KCNG4: variants seen among roughly 807,000 people sequenced by gnomAD.
KCNG4 encodes the protein potassium voltage-gated channel modifier subfamily G member 4.
KCNG4 carries 30 observed loss-of-function variants against 28.2 expected under a neutral mutation model. The observed-to-expected ratio is 1.06, with a 90% confidence interval of 0.80 to 1.44. The LOEUF is 1.44. KCNG4 is among the 40% of genes most tolerant of loss of function. The pLI, the probability that KCNG4 is intolerant of heterozygous loss-of-function variation, is 0.00. For synonymous variants in KCNG4, 375 were observed against 315.5 expected (o/e 1.19, Z -2.00); for missense variants, 879 against 712.3 (o/e 1.23, Z -2.66).
At chr16:84,235,896 C>G (rs998697028) in intron 2 of KCNG4, 3 of 152,122 alleles carry the variant, frequency 2.0e-5, no homozygotes, top group African/African-American at 7.2e-5. Context: ...TCCAATAACC[C>G]TCTCAACCAA....
Position 84,222,545 on chromosome 16 carries a change from C to T in KCNG4, c.1232G>A (p.Trp411Ter). The change falls in exon 3 of 3, where the codon TGG becomes TAG. Residue 411 changes from tryptophan to a stop codon, truncating the protein, a stop_gained. Transcript: ENST00000308251. LOFTEE classifies it high-confidence loss of function. Reference sequence around the variant, plus strand: ...CACCGTTGTCATGGAGATGATGGCCCACCAATAGGAGGCGGGGATGCTGGT... The same window carrying T: ...CACCGTTGTCATGGAGATGATGGCCTACCAATAGGAGGCGGGGATGCTGGT... ...EFTSIPASYW[W>*]AIISMTTVGY... is the part of the protein sequence containing the mutation. 2 of 1,613,590 alleles carry T rather than the reference C, an allele frequency of 1.2e-6. No individual in the cohort carries two copies. Among genetic ancestry groups the T allele is most frequent in the Admixed American group, 1.7e-5 (1 of 60,020 alleles).
chr16:84,236,684 G>T, intron 2 of KCNG4, 46 bp downstream of exon 2: 1 of 1,554,804 alleles, frequency 6.4e-7, no homozygotes, highest in South Asian at 1.2e-5. Context: ...TCTCCGCCCA[G>T]GCACCCTGCG....
chr16:84,222,325 G>C lies in KCNG4; in HGVS notation c.1452C>G (p.Ala484=). Residue 484 remains alanine (A), a synonymous_variant, in exon 3 of 3, where the codon GCC becomes GCG. Coordinates refer to ENST00000308251, the MANE Select transcript of KCNG4 (RefSeq NM_172347.3). ...RLRHLQNTGP[A]SECELLDPHV... is the part of the protein sequence containing the mutation. ...GGGGGTCCAGGAGTTCACATTCACT[G>C]GCTGGACCGGTGTTTTGGAGGTGGC... 6.2e-7 allele frequency: 1 copy of C among 1,614,172 alleles called. No homozygotes were observed. The highest frequency in any genetic ancestry group is 2.2e-5 in the East Asian group (1 of 44,878).
Position 84,222,774 on chromosome 16 carries a change from C to T in KCNG4, c.1003G>A (p.Val335Ile). ...CGCAGCGCTCGCAGCACACGCAGGA[C>T]CAGCCCCACCTTCTCCAGGTAGGAG... is the stretch of plus-strand genomic sequence containing the variant. ...GSSYLEKVGL[V>I]LRVLRALRIL... The change falls in exon 3 of 3, where the codon GTC becomes ATC. Residue 335 changes from valine to isoleucine, a missense_variant. Val to Ile is a conservative substitution (Grantham distance 29, BLOSUM62 3). Coordinates refer to ENST00000308251, the MANE Select transcript of KCNG4 (RefSeq NM_172347.3). The T allele has an allele frequency of 6.2e-7, 1 of 1,611,324 alleles. No homozygotes were observed. Among genetic ancestry groups the T allele is most frequent in the South Asian group, 1.1e-5 (1 of 90,802 alleles).
At position 84,218,865 on chromosome 16, in the gene KCNG4, C is replaced by G. The variant is rs995396117; in HGVS notation, c.*3352G>C. 2.0e-5 allele frequency: 3 copies of G among 152,132 alleles called. No individual in the cohort carries two copies. The highest frequency in any genetic ancestry group is 7.2e-5 in the African/African-American group (3 of 41,418). The allele number at this position is 152,132 out of a possible 1,614,324, so 9.4% of individuals were successfully genotyped here. A position where few individuals can be genotyped will look rare whatever the true frequency, so the allele number is the denominator to read the frequency against. On this transcript the variant is annotated 3_prime_UTR_variant, in exon 3 of 3. Coordinates refer to ENST00000308251, the MANE Select transcript of KCNG4 (RefSeq NM_172347.3). ...TGCTGGCACACTTTGGTGAAGAGGT[C>G]TGGTAGGTGAAGCAGAGGAGAAGGG...
Position 84,237,211 on chromosome 16 carries a change from C to T in KCNG4, c.275G>A (p.Arg92Gln), listed in dbSNP as rs148537883. Residue 92 changes from arginine to glutamine, a missense_variant, in exon 2 of 3, where the codon CGG becomes CAG. Coordinates refer to ENST00000308251, the MANE Select transcript of KCNG4 (RefSeq NM_172347.3). ...LSRLSKLRLC[R>Q]SYEEIVQLCD... ...GAGCTGCACGATCTCCTCGTAGCTC[C>T]GACAGAGCCTGAGTTTGCTCAGGCG... 4.3e-3 allele frequency: 6,870 copies of T among 1,614,122 alleles called. 22 individuals carry two copies. Among genetic ancestry groups the T allele is most frequent in the Non-Finnish European group, 4.8e-3 (5,649 of 1,180,028 alleles).
rs1904697401 is a variant in KCNG4, at chr16:84,226,354, T to A, written c.757-3334A>T. 1.3e-5 allele frequency among the ~76,000 whole-genome samples: 2 copies of A among 151,986 alleles called. No homozygotes were observed. The highest frequency in any genetic ancestry group is 2.4e-5 in the African/African-American group (1 of 41,348). ...CAGAACAGTGGCTGCCTCTGGGTAG[T>A]GTAGGGATGGCCTGTGAAGGGCCAC... On this transcript the variant is annotated intron_variant, in intron 2 of 2. Transcript: ENST00000308251. The surrounding 1 kb of genome is among the most constrained non-coding windows in gnomAD (Gnocchi z 4.1).
intron 2 of KCNG4, among the ~76,000 whole-genome samples, chr16:84,229,652 T>A (rs12449018): frequency 0.16 from 24,000 of 151,998 alleles, 1,980 homozygotes; most frequent in Middle Eastern, 0.24. Flanking sequence ...GAACGACTCA[T>A]GAATGAGTGT....
rs1421175540 is a variant in KCNG4, at chr16:84,228,662, A to G, written c.757-5642T>C. Among the ~76,000 whole-genome samples the G allele has an allele frequency of 2.7e-5, 4 of 147,216 alleles. No individual in the cohort carries two copies. The East Asian group carries it at 8.4e-4, about 31-fold the overall frequency. ...TCCCCACTTCCCAACCCTGGGACAC[A>G]AGGGCTCTGAGAGTGCTGGAACCAA... On this transcript the variant is annotated intron_variant, in intron 2 of 2. Coordinates refer to ENST00000308251, the MANE Select transcript of KCNG4 (RefSeq NM_172347.3).
intron 2 of KCNG4, chr16:84,235,816 G>C (rs778602975): frequency 2.6e-5 from 4 of 152,230 alleles, no homozygotes; most frequent in Non-Finnish European, 4.4e-5. Flanking sequence ...GGGCAGCCCT[G>C]GGGGAGCTCG....
Position 84,218,992 on chromosome 16 carries a change from C to T in KCNG4, c.*3225G>A, listed in dbSNP as rs1285180169. On this transcript the variant is annotated 3_prime_UTR_variant, in exon 3 of 3. Transcript: ENST00000308251. ...ATATGTCTTCGATGAGAAGGCAGGG[C>T]AGATGTGGGGGCTGATGTGGGTCCC... 3.3e-5 allele frequency: 5 copies of T among 152,208 alleles called. No homozygotes were observed. The highest frequency in any genetic ancestry group is 9.7e-5 in the African/African-American group (4 of 41,430). 9.4% of individuals were successfully genotyped at this position (152,208 alleles called of 1,614,324 possible).
At position 84,237,513 on chromosome 16, in the gene KCNG4, T is replaced by G; in HGVS notation, c.-28A>C. 2 of 1,464,830 alleles carry G rather than the reference T, an allele frequency of 1.4e-6. No homozygotes were observed. The highest frequency in any genetic ancestry group is 1.8e-6 in the Non-Finnish European group (2 of 1,109,088). 90.7% of individuals were successfully genotyped at this position (1,464,830 alleles called of 1,614,324 possible). A position where few individuals can be genotyped will look rare whatever the true frequency, so the allele number is the denominator to read the frequency against. ...CTGAAGACCACCAGGTAGGAAGCGC[T>G]GGGTTTACCAGTCTGACACCCAAGG... On this transcript the variant is annotated 5_prime_UTR_variant, in exon 2 of 3. Coordinates refer to ENST00000308251, the MANE Select transcript of KCNG4 (RefSeq NM_172347.3).
rs757497777 is a variant in KCNG4 at position 84,236,821 on chromosome 16, A to G, written c.665T>C (p.Val222Ala). ...ENPQSGLPGK[V>A]FACLSILFVA... ...GAAGAGGATGGAGAGGCAAGCGAAG[A>G]CCTTCCCGGGCAGCCCGGACTGCGG... Residue 222 changes from valine to alanine, a missense_variant, in exon 2 of 3, where the codon GTC (valine) becomes GCC (alanine). Physicochemically the swap from Val to Ala is moderately conservative, Grantham distance 64. Transcript: ENST00000308251. 5.0e-6 allele frequency: 8 copies of G among 1,613,634 alleles called. No individual in the cohort carries two copies. Among genetic ancestry groups the G allele is most frequent in the Non-Finnish European group, 6.8e-6 (8 of 1,180,014 alleles).
rs1056665758 is a variant in KCNG4 at position 84,220,044 on chromosome 16, C to T, written c.*2173G>A. On this transcript the variant is annotated 3_prime_UTR_variant, in exon 3 of 3. Transcript: ENST00000308251. ...AGCCACTGCACTCCAGCCTGGCGGACAGAGAGAGACTCTGTCAATAAATAA... is the reference window on the plus strand; with the variant it reads ...AGCCACTGCACTCCAGCCTGGCGGATAGAGAGAGACTCTGTCAATAAATAA... 15 of 152,176 alleles carry T rather than the reference C, an allele frequency of 9.9e-5. No individual in the cohort carries two copies. The highest frequency in any genetic ancestry group is 7.9e-4 in the Admixed American group (12 of 15,280). 9.4% of individuals were successfully genotyped at this position (152,176 alleles called of 1,614,324 possible). A position where few individuals can be genotyped will look rare whatever the true frequency, so the allele number is the denominator to read the frequency against.
intron 2 of KCNG4, among the ~76,000 whole-genome samples, chr16:84,223,924 G>T (rs572305890): frequency 1.3e-5 from 2 of 152,308 alleles, no homozygotes; most frequent in South Asian, 4.1e-4. Context: ...CCCTTGGGAT[G>T]TGTGATTGCT....
At chr16:84,233,308 C>G (rs1033693272) in intron 2 of KCNG4, among the ~76,000 whole-genome samples, 3 of 152,282 alleles carry the variant, frequency 2.0e-5, no homozygotes, top group African/African-American at 7.2e-5. Context: ...GCCTTCGCAC[C>G]ATCATGCTGG....
intron 2 of KCNG4, chr16:84,236,191 C>G (rs1011808390): frequency 6.5e-6 from 1 of 154,504 alleles, no homozygotes; most frequent in South Asian, 2.1e-4. Flanking sequence ...TGGCCCATGC[C>G]TCAGTTTCCT....
intron 2 of KCNG4, among the ~76,000 whole-genome samples, chr16:84,228,197 C>A (rs181403342): frequency 6.6e-6 from 1 of 152,218 alleles, no homozygotes. Context: ...GAAGCTCCAT[C>A]TGGGAGGGGC....
At chr16:84,231,634 C>G (rs1271003233) in intron 2 of KCNG4, among the ~76,000 whole-genome samples, 1 of 152,094 alleles carries the variant, frequency 6.6e-6, no homozygotes, top group Non-Finnish European at 1.5e-5. Context: ...ATGACAAGTC[C>G]AGACCATCAT....
Sources: gnomAD v4.1 joint callset for allele counts (sites outside exome capture counted in the v4.1 genomes callset) on GRCh38, gnomAD v4.1.1 for gene constraint, Gnocchi (gnomAD v3.1) non-coding constraint, MANE v1.5 for transcripts, NCBI Gene and HGNC (gene_info 2026-07-23, HGNC 2026-07-21) for gene names.